SLC25A25: variants seen among roughly 807,000 people sequenced by gnomAD.
The protein encoded by SLC25A25 is mitochondrial adenyl nucleotide antiporter SLC25A25.
A neutral mutation model predicts 57.7 loss-of-function variants in SLC25A25; 32 were observed. The observed-to-expected ratio is 0.55, with a 90% CI of 0.42 to 0.74. The LOEUF is 0.74. SLC25A25 is among the 30% of genes least tolerant of loss of function. The probability of loss-of-function intolerance (pLI) is 0.00; values close to 1 mark genes in which losing one functional copy is unlikely to be tolerated. For synonymous variants in SLC25A25, 306 were observed against 291.2 expected (o/e 1.05, Z -0.52); for missense variants, 556 against 701.3 (o/e 0.79, Z 2.34).
intron 1 of SLC25A25, chr9:128,098,934 C>T: frequency 1.0e-6 from 1 of 985,412 alleles, no homozygotes; most frequent in Non-Finnish European, 1.2e-6. Context: ...GCTGGAATTC[C>T]AGCGAAGGCT....
chr9:128,079,603 CA>C (rs531439672), intron 1 of SLC25A25, among the ~76,000 whole-genome samples: 1,009 of 48,030 alleles, frequency 0.021, 12 homozygotes, highest in East Asian at 0.088. Context: ...ACTAAAAATA[CA>C]AAAAAAAAAA....
At chr9:128,087,169 C>T (rs899462727) in intron 1 of SLC25A25, among the ~76,000 whole-genome samples, 3 of 150,916 alleles carry the variant, frequency 2.0e-5, no homozygotes, top group South Asian at 4.3e-4. Context: ...GAGCTGGGAT[C>T]GCACCATTGC....
intron 1 of SLC25A25, among the ~76,000 whole-genome samples, chr9:128,087,711 G>A (rs529444891): frequency 2.7e-4 from 41 of 152,252 alleles, no homozygotes; most frequent in African/African-American, 9.4e-4. Context: ...TCATCCCACC[G>A]CTCACCAGTG....
chr9:128,107,487 C>G lies in SLC25A25; in HGVS notation c.*43C>G. The G allele has an allele frequency of 6.7e-7, 1 of 1,499,686 alleles. No homozygotes were observed. The allele number at this position is 1,499,686 out of a possible 1,614,324, so 92.9% of individuals were successfully genotyped here. A position where few individuals can be genotyped will look rare whatever the true frequency, so the allele number is the denominator to read the frequency against. ...GGCAGTGGACTCGCTGATCCTGGGC[C>G]GCAGCCTGGGGTGTGCAGCCATCTC... On this transcript the variant is annotated 3_prime_UTR_variant, in exon 11 of 11. Coordinates refer to ENST00000373069, the MANE Select transcript of SLC25A25 (RefSeq NM_001330988.2).
At position 128,099,368 on chromosome 9, in the gene SLC25A25, G is replaced by A. The variant is rs1833693737; in HGVS notation, c.262-1728G>A. On this transcript the variant is annotated intron_variant, in intron 1 of 10. Coordinates refer to ENST00000373069, the MANE Select transcript of SLC25A25 (RefSeq NM_001330988.2). The surrounding 1 kb of genome is among the most constrained non-coding windows in gnomAD (Gnocchi z 6.8). ...AGGCAGAAGCAAGCACTTTGAGAAT[G>A]CGTTGAAGCCAGCTGCGGTGAGCAC... 1 of 1,223,402 alleles carries A rather than the reference G, an allele frequency of 8.2e-7. No individual in the cohort carries two copies. The allele number at this position is 1,223,402 out of a possible 1,614,324, so 75.8% of individuals were successfully genotyped here. A position where few individuals can be genotyped will look rare whatever the true frequency, so the allele number is the denominator to read the frequency against.
In SLC25A25 at chr9:128,107,192, C is replaced by T; in HGVS notation, c.1363+13C>T. On this transcript the variant is annotated intron_variant, in intron 10 of 10. Coordinates refer to ENST00000373069, the MANE Select transcript of SLC25A25 (RefSeq NM_001330988.2). ...ATGCAGGCGCAAGGTAAGGCTGGCC[C>T]TGGACAGTCCCCTGGGAGGTCGGGG... 1 of 1,613,602 alleles carries T rather than the reference C, an allele frequency of 6.2e-7. No individual in the cohort carries two copies. Among genetic ancestry groups the T allele is most frequent in the Non-Finnish European group, 8.5e-7 (1 of 1,179,922 alleles).
chr9:128,091,993 G>A (rs1833422147), intron 1 of SLC25A25: 1 of 1,614,036 alleles, frequency 6.2e-7, no homozygotes, highest in Non-Finnish European at 8.5e-7. Context: ...GAGACCAGAT[G>A]GCAAGCTTTT....
chr9:128,103,308 G>C lies in SLC25A25; in HGVS notation c.625-373G>C, dbSNP rs1209900874. ...TGATCTGGTTACACGTGAGATCTCA[G>C]ACGGCTCTCACCCCGGCCTGATCCC... On this transcript the variant is annotated intron_variant, in intron 5 of 10. Transcript: ENST00000373069. The surrounding 1 kb of genome is among the most constrained non-coding windows in gnomAD (Gnocchi z 6.7). Among the ~76,000 whole-genome samples the C allele has an allele frequency of 2.6e-5, 4 of 152,238 alleles. No homozygotes were observed. The highest frequency in any genetic ancestry group is 5.9e-5 in the Non-Finnish European group (4 of 68,040).
At chr9:128,106,556 C>T (rs778219390) in intron 9 of SLC25A25, 36 bp downstream of exon 9, 2 of 1,540,284 alleles carry the variant, frequency 1.3e-6, no homozygotes, top group East Asian at 2.3e-5. Context: ...GAAACCTCCT[C>T]CCAGCACACC....
At position 128,101,508 on chromosome 9, in the gene SLC25A25, G is replaced by A; in HGVS notation, c.476+112G>A. 8.0e-7 allele frequency: 1 copy of A among 1,254,006 alleles called. No homozygotes were observed. Among genetic ancestry groups the A allele is most frequent in the East Asian group, 2.5e-5 (1 of 40,202 alleles). 77.7% of individuals were successfully genotyped at this position (1,254,006 alleles called of 1,614,324 possible). A position where few individuals can be genotyped will look rare whatever the true frequency, so the allele number is the denominator to read the frequency against. ...TGACCCTGAACTTGGCCTTCTCGTG[G>A]TTTGAAAGGATGAATAAGTAACCCC... On this transcript the variant is annotated intron_variant, in intron 3 of 10. Transcript: ENST00000373069. This position sits in a 1 kb window ranked among gnomAD's most constrained non-coding sequence, Gnocchi z 4.9.
rs759162104 is a variant in SLC25A25, at chr9:128,101,366, C to A, written c.446C>A (p.Ser149Tyr). ...QSLRDLGVKI[S>Y]EQQAEKILKR... ...CTGCGGGACTTGGGAGTCAAGATAT[C>A]TGAACAGCAGGCAGAAAAAATTCTC... The change falls in exon 3 of 11, where the codon TCT becomes TAT. Residue 149 changes from serine (S) to tyrosine (Y), a missense_variant. Physicochemically the swap from Ser to Tyr is moderately radical, Grantham distance 144 (BLOSUM62 -2). Transcript: ENST00000373069. The surrounding 1 kb of genome is among the most constrained non-coding windows in gnomAD (Gnocchi z 4.9). The A allele has an allele frequency of 3.1e-6, 5 of 1,614,266 alleles. No homozygotes were observed.
At position 128,107,263 on chromosome 9, in the gene SLC25A25, C is replaced by G. The variant is rs1448315557; in HGVS notation, c.1367C>G (p.Ser456Cys). ...LVRTRMQAQA[S>C]IEGAPEVTMS... ...ACTGGTGGCCTCCATCCTGCAGCCT[C>G]TATTGAGGGCGCTCCGGAGGTGACC... is the stretch of plus-strand genomic sequence containing the variant. The change falls in exon 11 of 11, where the codon TCT (serine) becomes TGT (cysteine). Residue 456 changes from serine to cysteine, a missense_variant. By Grantham distance (112) the Ser-to-Cys change is moderately radical (BLOSUM62 -1). Around this residue, in one of 3 missense-constraint regions of SLC25A25, gnomAD observed 294 missense variants for 389.6 expected, o/e 0.75. Coordinates refer to ENST00000373069, the MANE Select transcript of SLC25A25 (RefSeq NM_001330988.2). 3 of 1,603,708 alleles carry G rather than the reference C, an allele frequency of 1.9e-6. No individual in the cohort carries two copies. Among genetic ancestry groups the G allele is most frequent in the East Asian group, 4.5e-5 (2 of 44,618 alleles).
In SLC25A25 at chr9:128,099,115, C is replaced by G; in HGVS notation, c.262-1981C>G. ...TGCTGCGTGGTGGAGCTGCCCGTCCCTGGTGTGGGGGTGAGGGAGCCTCCC... is the reference window on the plus strand; with the variant it reads ...TGCTGCGTGGTGGAGCTGCCCGTCCGTGGTGTGGGGGTGAGGGAGCCTCCC... On this transcript the variant is annotated intron_variant, in intron 1 of 10. Transcript: ENST00000373069. This position sits in a 1 kb window ranked among gnomAD's most constrained non-coding sequence, Gnocchi z 6.8. 1.0e-6 allele frequency: 1 copy of G among 985,390 alleles called. No individual in the cohort carries two copies. Among genetic ancestry groups the G allele is most frequent in the Non-Finnish European group, 1.2e-6 (1 of 829,900 alleles). 61.0% of individuals were successfully genotyped at this position (985,390 alleles called of 1,614,324 possible).
chr9:128,068,676 C>G (rs1241218218), intron 1 of SLC25A25, 96 bp downstream of exon 1: 1 of 1,294,688 alleles, frequency 7.7e-7, no homozygotes, highest in African/African-American at 1.6e-5. Flanking sequence ...GGGCGGAACC[C>G]CCACTGTCCA....
At chr9:128,074,602 G>A (rs1402548073) in intron 1 of SLC25A25, among the ~76,000 whole-genome samples, 11 of 151,740 alleles carry the variant, frequency 7.2e-5, no homozygotes, top group East Asian at 2.0e-4. Flanking sequence ...CCAGCTACTC[G>A]GAAGGCTGAG....
chr9:128,078,971 G>A (rs1833078699), intron 1 of SLC25A25, among the ~76,000 whole-genome samples: 1 of 152,116 alleles, frequency 6.6e-6, no homozygotes, highest in African/African-American at 2.4e-5. Context: ...GGCCCTGGTG[G>A]TGCACAGGAA....
intron 1 of SLC25A25, chr9:128,091,546 C>CTTTT: frequency 1.2e-6 from 1 of 853,746 alleles, no homozygotes; most frequent in Non-Finnish European, 1.4e-6. Flanking sequence ...TTTTCCTTTT[C>CTTTT]TTTTTTTTTT....
At chr9:128,087,039 A>C (rs1452989514) in intron 1 of SLC25A25, among the ~76,000 whole-genome samples, 1 of 151,966 alleles carries the variant, frequency 6.6e-6, no homozygotes, top group East Asian at 2.0e-4. Context: ...ACATGGTGAA[A>C]CCCCATCTCT....
Position 128,103,972 on chromosome 9 carries a change from G to C in SLC25A25, c.783+133G>C. 1.1e-6 allele frequency: 1 copy of C among 917,708 alleles called. No homozygotes were observed. Among genetic ancestry groups the C allele is most frequent in the Non-Finnish European group, 1.6e-6 (1 of 638,394 alleles). The allele number at this position is 917,708 out of a possible 1,614,324, so 56.8% of individuals were successfully genotyped here. Reference sequence around the variant, plus strand: ...TTTTCTAACCCAATAAATTAGACTAGAATTATTGCTCAGACAGGGGGTACC... The same window carrying C: ...TTTTCTAACCCAATAAATTAGACTACAATTATTGCTCAGACAGGGGGTACC... On this transcript the variant is annotated intron_variant, in intron 6 of 10. Transcript: ENST00000373069. This position sits in a 1 kb window ranked among gnomAD's most constrained non-coding sequence, Gnocchi z 6.7.
Sources: gnomAD v4.1 joint callset for allele counts (sites outside exome capture counted in the v4.1 genomes callset) on GRCh38, gnomAD v4.1.1 for gene constraint, gnomAD v4.1.1 regional missense constraint, Gnocchi (gnomAD v3.1) non-coding constraint, MANE v1.5 for transcripts, NCBI Gene and HGNC (gene_info 2026-07-23, HGNC 2026-07-21) for gene names.